PLA2R1: variants seen among roughly 807,000 people sequenced by gnomAD.
PLA2R1 encodes the protein phospholipase A2 receptor 1.
PLA2R1 carries 158 observed loss-of-function variants against 195.9 expected under a neutral mutation model. The observed-to-expected ratio is 0.81, with a 90% CI of 0.71 to 0.92. The LOEUF (loss-of-function observed/expected upper bound fraction) is 0.92. Ranked by LOEUF, PLA2R1 falls within the 40% of genes least tolerant of loss-of-function variation. The pLI, the probability that PLA2R1 is intolerant of heterozygous loss-of-function variation, is 0.00. For missense variants in PLA2R1, 1,626 were observed against 1,764.6 expected (o/e 0.92, Z 1.41); for synonymous variants, 586 against 598.2 (o/e 0.98, Z 0.30).
chr2:159,984,892 T>C (rs148802486), intron 12 of PLA2R1, among the ~76,000 whole-genome samples: 1 of 152,196 alleles, frequency 6.6e-6, no homozygotes, highest in Non-Finnish European at 1.5e-5. Flanking sequence ...GGCTCTTACT[T>C]GCTGAGACCA....
chr2:160,034,288 A>G (rs1694040600), intron 3 of PLA2R1, among the ~76,000 whole-genome samples: 1 of 152,192 alleles, frequency 6.6e-6, no homozygotes, highest in Non-Finnish European at 1.5e-5. Context: ...AATCACATAT[A>G]AATCTAAGGT....
chr2:160,049,482 A>G (rs771076003), intron 1 of PLA2R1, among the ~76,000 whole-genome samples: 1 of 152,236 alleles, frequency 6.6e-6, no homozygotes, highest in Non-Finnish European at 1.5e-5. Flanking sequence ...GAAACTGTAT[A>G]TATTTGTTCT....
chr2:160,006,837 A>T (rs1692019272), intron 10 of PLA2R1, among the ~76,000 whole-genome samples: 1 of 152,226 alleles, frequency 6.6e-6, no homozygotes, highest in Non-Finnish European at 1.5e-5. Context: ...GTTACTGTGC[A>T]TCCTTAACTT....
rs147626552 is a variant in PLA2R1, at chr2:160,059,660, C to T, written c.109+2635G>A. On this transcript the variant is annotated intron_variant, in intron 1 of 29. Coordinates refer to ENST00000283243, the MANE Select transcript of PLA2R1 (RefSeq NM_007366.5). ...ACAGAATTGTATTACTCCATTTTCA[C>T]ACTGCTGAAAAAGACATACCCAAGA... Among the ~76,000 whole-genome samples, 7 of 152,212 alleles carry T rather than the reference C, an allele frequency of 4.6e-5. No homozygotes were observed. In the East Asian group the frequency reaches 9.6e-4, roughly 21 times the overall value.
chr2:159,943,366 T>A (rs1362846744), intron 28 of PLA2R1, among the ~76,000 whole-genome samples: 1 of 152,236 alleles, frequency 6.6e-6, no homozygotes, highest in Non-Finnish European at 1.5e-5. Context: ...ACACTTCTTT[T>A]AAATTGATGC....
chr2:159,974,766 T>A (rs1454597971), intron 17 of PLA2R1, among the ~76,000 whole-genome samples: 1 of 152,124 alleles, frequency 6.6e-6, no homozygotes, highest in African/African-American at 2.4e-5. Context: ...GACCATGTGA[T>A]TGTCATCTAA....
chr2:160,011,874 G>A (rs1158910625), intron 10 of PLA2R1, among the ~76,000 whole-genome samples: 2 of 152,106 alleles, frequency 1.3e-5, no homozygotes, highest in South Asian at 2.1e-4. Context: ...ATATTTCAAC[G>A]GGAGGATCTC....
At chr2:159,976,029 T>G in intron 17 of PLA2R1, 39 bp downstream of exon 17, 1 of 1,516,586 alleles carries the variant, frequency 6.6e-7, no homozygotes, top group African/African-American at 1.4e-5. Context: ...AAGAAGGTGC[T>G]AAACTCTGAA....
chr2:160,044,933 A>C lies in PLA2R1; in HGVS notation c.334T>G (p.Ser112Ala). Residue 112 changes from serine to alanine, a missense_variant, in exon 2 of 30, where the codon TCC becomes GCC. Coordinates refer to ENST00000283243, the MANE Select transcript of PLA2R1 (RefSeq NM_007366.5). ...SLYECDSTLV[S>A]LRWRCNRKMI... is the part of the protein sequence containing the mutation. ...TTCCTGTTACAGCGCCACCGTAAGGAAACGAGGGTGGAGTCACATTCATAT... is the reference window on the plus strand; with the variant it reads ...TTCCTGTTACAGCGCCACCGTAAGGCAACGAGGGTGGAGTCACATTCATAT... 1 of 1,614,142 alleles carries C rather than the reference A, an allele frequency of 6.2e-7. No individual in the cohort carries two copies. The highest frequency in any genetic ancestry group is 1.1e-5 in the South Asian group (1 of 91,066).
At chr2:160,024,248 A>G (rs1372572038) in intron 6 of PLA2R1, among the ~76,000 whole-genome samples, 1 of 152,006 alleles carries the variant, frequency 6.6e-6, no homozygotes, top group Non-Finnish European at 1.5e-5. Context: ...AGGCTTTGTA[A>G]CCACTGCACC....
At chr2:159,949,870 G>T in intron 24 of PLA2R1, 94 bp from the exon 25 acceptor site, 3 of 948,490 alleles carry the variant, frequency 3.2e-6, no homozygotes, top group Non-Finnish European at 5.0e-6. Flanking sequence ...CACATCGATT[G>T]CTATTTCTGC....
chr2:159,987,711 A>G (rs1211399242), intron 11 of PLA2R1, among the ~76,000 whole-genome samples: 2 of 152,220 alleles, frequency 1.3e-5, no homozygotes, highest in Non-Finnish European at 2.9e-5. Flanking sequence ...TGAAAAATCA[A>G]CAATGAAAGG....
chr2:160,038,927 C>T (rs771057136), intron 3 of PLA2R1, among the ~76,000 whole-genome samples: 5 of 152,114 alleles, frequency 3.3e-5, no homozygotes, highest in Middle Eastern at 6.8e-3. Flanking sequence ...AGTGCAGTGG[C>T]GCGATCTTGG....
Position 159,983,977 on chromosome 2 carries a change from T to C in PLA2R1, c.2134A>G (p.Ile712Val), listed in dbSNP as rs376478206. The C allele has an allele frequency of 1.2e-5, 19 of 1,600,082 alleles. 1 individual carries two copies. The highest frequency in any genetic ancestry group is 1.5e-5 in the Non-Finnish European group (17 of 1,168,282). ...TCATTCACAAAATTCTCTTCCTCAA[T>C]ATGGGCAAAGCTTGCAAGATGAGCT... ...FGAHLASFAH[I>V]EEENFVNELL... The change falls in exon 13 of 30, where the codon ATT becomes GTT. Residue 712 changes from isoleucine to valine, a missense_variant. Transcript: ENST00000283243.
intron 1 of PLA2R1, among the ~76,000 whole-genome samples, chr2:160,060,226 C>T (rs1222230668): frequency 6.6e-6 from 1 of 152,138 alleles, no homozygotes; most frequent in African/African-American, 2.4e-5. Context: ...GGATGTCAAT[C>T]GTGGCTAAAG....
chr2:159,932,148 T>C lies in PLA2R1; in HGVS notation c.*9630A>G, dbSNP rs575243976. Reference sequence around the variant, plus strand: ...TTCACTTGGGACGTTTAGTATAAGTTGCAGTAGCAATCGCAGGGAATTTCT... The same window carrying C: ...TTCACTTGGGACGTTTAGTATAAGTCGCAGTAGCAATCGCAGGGAATTTCT... On this transcript the variant is annotated 3_prime_UTR_variant, in exon 30 of 30. Coordinates refer to ENST00000283243, the MANE Select transcript of PLA2R1 (RefSeq NM_007366.5). 6.6e-6 allele frequency: 1 copy of C among 152,262 alleles called. No individual in the cohort carries two copies. Among genetic ancestry groups the C allele is most frequent in the Non-Finnish European group, 1.5e-5 (1 of 68,058 alleles). 9.4% of individuals were successfully genotyped at this position (152,262 alleles called of 1,614,324 possible).
intron 11 of PLA2R1, among the ~76,000 whole-genome samples, chr2:159,991,718 G>GT (rs1180727788): frequency 4.2e-5 from 6 of 143,568 alleles, no homozygotes; most frequent in African/African-American, 1.5e-4. Context: ...TCGGTGTTTG[G>GT]TTTTTTGTTC....
intron 1 of PLA2R1, among the ~76,000 whole-genome samples, chr2:160,049,657 C>G (rs1255401306): frequency 6.6e-6 from 1 of 151,912 alleles, no homozygotes; most frequent in Non-Finnish European, 1.5e-5. Flanking sequence ...CACTTGAGGT[C>G]TCTACTAAGG....
chr2:159,926,981 C>T, the PLA2R1 span, among the ~76,000 whole-genome samples: 1 of 152,156 alleles, frequency 6.6e-6, no homozygotes. Context: ...AACTTGCTTA[C>T]TTTCCATCTT....
Sources: allele counts gnomAD v4.1 joint callset (sites outside exome capture counted in the v4.1 genomes callset), GRCh38; gene constraint gnomAD v4.1.1; transcripts MANE v1.5; gene names NCBI Gene and HGNC (gene_info 2026-07-23, HGNC 2026-07-21).